Variants in MAP1B observed in about 807,000 individuals in gnomAD.
MAP1B encodes microtubule-associated protein 1B.
In MAP1B, 12 loss-of-function variants were observed where a neutral mutation model predicts 176.1. The observed-to-expected ratio is 0.07, with a 90% CI of 0.04 to 0.11. The LOEUF (loss-of-function observed/expected upper bound fraction) is 0.11, where lower values mean the gene tolerates loss of function less well. MAP1B is among the 10% of genes least tolerant of loss of function. The probability of loss-of-function intolerance (pLI) is 1.00; values close to 1 mark genes in which losing one functional copy is unlikely to be tolerated. For synonymous variants in MAP1B, 1,044 were observed against 1,135.0 expected, an observed-to-expected ratio of 0.92 and a Z score of 1.61; for missense variants, 2,523 against 2,990.5, an observed-to-expected ratio of 0.84 and a Z score of 3.65.
intron 4 of MAP1B, among the ~76,000 whole-genome samples, chr5:72,189,759 G>C (rs1746985693): frequency 6.6e-6 from 1 of 152,118 alleles, no homozygotes; most frequent in African/African-American, 2.4e-5. Flanking sequence ...AGATGGGATG[G>C]GTATGGGGGG....
rs966043642 is a variant in MAP1B at position 72,196,847 on chromosome 5, A to C, written c.3492A>C (p.Lys1164Asn). The C allele has an allele frequency of 1.2e-6, 2 of 1,614,188 alleles. No homozygotes were observed. Among genetic ancestry groups the C allele is most frequent in the Non-Finnish European group, 8.5e-7 (1 of 1,179,998 alleles). The change falls in exon 5 of 7, where the codon AAA becomes AAC. Residue 1164 changes from lysine to asparagine, a missense_variant. Physicochemically the swap from Lys to Asn is moderately conservative, Grantham distance 94. Around this residue, in one of 4 missense-constraint regions of MAP1B, gnomAD observed 1,925 missense variants for 2,126.0 expected, o/e 0.91. Transcript: ENST00000296755. The surrounding 1 kb of genome is among the most constrained non-coding windows in gnomAD (Gnocchi z 5.3). ...SPSQEFVNIT[K>N]YESSLYSQEY... ...CTCAGGAATTCGTAAATATCACCAA[A>C]TATGAATCTTCATTGTATTCTCAGG...
chr5:72,146,389 C>T (rs1561297859), intron 2 of MAP1B, among the ~76,000 whole-genome samples: 1 of 152,182 alleles, frequency 6.6e-6, no homozygotes, highest in South Asian at 2.1e-4. Flanking sequence ...TAGCCAGTGC[C>T]ATTTGAGTCC....
chr5:72,111,800 A>T (rs1745348369), intron 1 of MAP1B, among the ~76,000 whole-genome samples: 1 of 152,186 alleles, frequency 6.6e-6, no homozygotes, highest in Admixed American at 6.5e-5. Context: ...TTTTTAGACA[A>T]GCAAATAATT....
rs116236333 is a variant in MAP1B, at chr5:72,133,396, C to T, written c.286+17597C>T. On this transcript the variant is annotated intron_variant, in intron 2 of 6. Transcript: ENST00000296755. Reference sequence around the variant, plus strand: ...AGTGGAAAAGGAGGTATCTGATACCCTGCAGTAAGCTTCTTTTTCCTGTCT... The same window carrying T: ...AGTGGAAAAGGAGGTATCTGATACCTTGCAGTAAGCTTCTTTTTCCTGTCT... 2.3e-4 allele frequency among the ~76,000 whole-genome samples: 35 copies of T among 152,334 alleles called. No homozygotes were observed. In the East Asian group the frequency reaches 6.6e-3, roughly 29 times the overall value.
At chr5:72,192,799 C>A (rs967859698) in intron 4 of MAP1B, among the ~76,000 whole-genome samples, 5 of 152,214 alleles carry the variant, frequency 3.3e-5, no homozygotes, top group African/African-American at 7.2e-5. Flanking sequence ...TGGCATGATT[C>A]TCCATCACTA....
At chr5:72,152,750 G>C (rs1317294633) in intron 2 of MAP1B, among the ~76,000 whole-genome samples, 1 of 152,160 alleles carries the variant, frequency 6.6e-6, no homozygotes, top group Non-Finnish European at 1.5e-5. Context: ...TATTTTTATA[G>C]CATTTCTTAT....
chr5:72,110,161 C>G (rs1745300311), intron 1 of MAP1B, among the ~76,000 whole-genome samples: 1 of 152,190 alleles, frequency 6.6e-6, no homozygotes, highest in Non-Finnish European at 1.5e-5. Flanking sequence ...AAAACGGACA[C>G]GCCTGGGTTA....
chr5:72,139,471 T>TG (rs1487811868), intron 2 of MAP1B, among the ~76,000 whole-genome samples: 3 of 152,250 alleles, frequency 2.0e-5, no homozygotes, highest in African/African-American at 7.2e-5. Flanking sequence ...GGCATTCTGA[T>TG]GCACTTTCTA....
intron 2 of MAP1B, among the ~76,000 whole-genome samples, chr5:72,141,375 T>A (rs1299019271): frequency 6.6e-6 from 1 of 152,226 alleles, no homozygotes; most frequent in Non-Finnish European, 1.5e-5. Flanking sequence ...TTCAGCAGGT[T>A]TTTAATGGCC....
chr5:72,170,652 G>A (rs1392685734), intron 2 of MAP1B, among the ~76,000 whole-genome samples: 1 of 152,010 alleles, frequency 6.6e-6, no homozygotes, highest in Non-Finnish European at 1.5e-5. Flanking sequence ...AGACCTTGTT[G>A]CGTGGTCCTC....
chr5:72,146,873 C>G (rs534554802), intron 2 of MAP1B, among the ~76,000 whole-genome samples: 1 of 152,132 alleles, frequency 6.6e-6, no homozygotes, highest in African/African-American at 2.4e-5. Flanking sequence ...CAACTGAAAA[C>G]TTTTTCAAAA....
intron 3 of MAP1B, among the ~76,000 whole-genome samples, chr5:72,185,236 T>G (rs979423343): frequency 6.6e-6 from 1 of 152,180 alleles, no homozygotes; most frequent in Non-Finnish European, 1.5e-5. Flanking sequence ...ACTTTTTGGC[T>G]GTTGTGATGT....
chr5:72,183,365 G>A (rs921190470), intron 2 of MAP1B, among the ~76,000 whole-genome samples: 2 of 152,178 alleles, frequency 1.3e-5, no homozygotes, highest in Non-Finnish European at 2.9e-5. Context: ...AAGAAAGGCT[G>A]ATACGGAGAA....
chr5:72,131,039 C>T (rs193165475), intron 2 of MAP1B, among the ~76,000 whole-genome samples: 1 of 152,194 alleles, frequency 6.6e-6, no homozygotes, highest in East Asian at 1.9e-4. Context: ...TGTGTCAGTA[C>T]TAAGGTTAAT....
At position 72,198,913 on chromosome 5, in the gene MAP1B, C is replaced by T. The variant is rs1348867466; in HGVS notation, c.5558C>T (p.Thr1853Ile). Reference sequence around the variant, plus strand: ...CTAGCCTTGAATAGAGATTTGTCCACACCTGGCCTGGAGAAGGACAGTGGA... The same window carrying T: ...CTAGCCTTGAATAGAGATTTGTCCATACCTGGCCTGGAGAAGGACAGTGGA... ...HHLALNRDLS[T>I]PGLEKDSGGK... The change falls in exon 5 of 7, where the codon ACA becomes ATA. Residue 1853 changes from threonine to isoleucine, a missense_variant. By Grantham distance (89) the Thr-to-Ile change is moderately conservative. This residue lies in a region of MAP1B where 1,925 missense variants were observed against 2,126.0 expected (regional missense o/e 0.91). Coordinates refer to ENST00000296755, the MANE Select transcript of MAP1B (RefSeq NM_005909.5). The T allele has an allele frequency of 6.2e-7, 1 of 1,614,224 alleles. No individual in the cohort carries two copies. The highest frequency in any genetic ancestry group is 2.2e-5 in the East Asian group (1 of 44,886).
rs1320842948 is a variant in MAP1B, at chr5:72,196,561, C to T, written c.3206C>T (p.Thr1069Ile). 8 of 1,613,654 alleles carry T rather than the reference C, an allele frequency of 5.0e-6. No individual in the cohort carries two copies. Among genetic ancestry groups the T allele is most frequent in the Non-Finnish European group, 6.8e-6 (8 of 1,180,038 alleles). Reference sequence around the variant, plus strand: ...CAGTATGGATTCCTCACCACACCAACCAAGCAACTAGGAGCCCAGTCTCCT... The same window carrying T: ...CAGTATGGATTCCTCACCACACCAATCAAGCAACTAGGAGCCCAGTCTCCT... ...EEQYGFLTTPTKQLGAQSPGR... is the reference protein window; with the variant it reads ...EEQYGFLTTPIKQLGAQSPGR... Residue 1069 changes from threonine to isoleucine, a missense_variant, in exon 5 of 7, where the codon ACC (threonine) becomes ATC (isoleucine). Physicochemically the swap from Thr to Ile is moderately conservative, Grantham distance 89. Transcript: ENST00000296755. This position sits in a 1 kb window ranked among gnomAD's most constrained non-coding sequence, Gnocchi z 5.3.
In MAP1B at chr5:72,107,639, G is replaced by C; in HGVS notation, c.108G>C (p.Lys36Asn). Residue 36 changes from lysine to asparagine, a missense_variant, in exon 1 of 7, where the codon AAG (lysine) becomes AAC (asparagine). Lys to Asn is a moderately conservative substitution (Grantham distance 94). Around this residue, in one of 4 missense-constraint regions of MAP1B, gnomAD observed 307 missense variants for 438.4 expected, o/e 0.70. Transcript: ENST00000296755. Reference protein sequence around the residue: ...PSLSHRFLDSKFYLLVVVGEI... With the variant: ...PSLSHRFLDSNFYLLVVVGEI... ...TGTCGCACCGCTTCCTTGACAGCAA[G>C]TTCTACTTGCTGGTGGTCGTCGGCG... 1.2e-6 allele frequency: 2 copies of C among 1,600,548 alleles called. No homozygotes were observed. Among genetic ancestry groups the C allele is most frequent in the African/African-American group, 2.7e-5 (2 of 75,034 alleles).
chr5:72,178,763 TG>T (rs1746705022), intron 2 of MAP1B, among the ~76,000 whole-genome samples: 5 of 151,756 alleles, frequency 3.3e-5, no homozygotes, highest in Non-Finnish European at 7.4e-5. Context: ...TGTGTGTGTG[TG>T]TGTGTGTAGA....
intron 2 of MAP1B, among the ~76,000 whole-genome samples, chr5:72,143,401 C>T (rs1745984298): frequency 6.6e-6 from 1 of 152,138 alleles, no homozygotes; most frequent in Non-Finnish European, 1.5e-5. Flanking sequence ...AATTCAAGGT[C>T]ATCATTATGA....
Sources: gnomAD v4.1 joint callset for allele counts (sites outside exome capture counted in the v4.1 genomes callset) on GRCh38, gnomAD v4.1.1 for gene constraint, gnomAD v4.1.1 regional missense constraint, Gnocchi (gnomAD v3.1) non-coding constraint, MANE v1.5 for transcripts, NCBI Gene and HGNC (gene_info 2026-07-23, HGNC 2026-07-21) for gene names.